The following NBPF11 variants were observed in gnomAD, a reference collection of about 807,000 sequenced individuals.
NBPF11 encodes the protein NBPF family member NBPF11.
In NBPF11, 72 loss-of-function variants were observed where a neutral mutation model predicts 93.9. The ratio of observed to expected loss-of-function variants is 0.77; its 90% CI spans 0.63 to 0.93. The LOEUF is 0.93. NBPF11 is among the 40% of genes least tolerant of loss of function. The pLI is 0.00. For missense variants in NBPF11, 705 were observed against 802.2 expected (o/e 0.88, Z 1.46); for synonymous variants, 224 against 304.9 (o/e 0.73, Z 2.76).
chr1:148,138,431 G>A (rs1452989342), intron 2 of NBPF11, among the ~76,000 whole-genome samples: 7 of 151,958 alleles, frequency 4.6e-5, no homozygotes, highest in East Asian at 1.9e-4. Flanking sequence ...CTTCCCATGA[G>A]GCTGTATTTC....
In NBPF11 at chr1:148,115,162, C is replaced by CGCAAAAAAAAAAAAAAAAAAAAAAA. The variant is rs1666177688; in HGVS notation, c.1585+630_1585+631insTTTTTTTTTTTTTTTTTTTTTTTGC. ...CCTAGGTGACAGAGCAGGACTCCAT[C>CGCAAAAAAAAAAAAAAAAAAAAAAA]ACAAAAAAAAAAAAAAAAAAAAAAA... On this transcript the variant is annotated intron_variant, in intron 14 of 23. Transcript: ENST00000682118. Among the ~76,000 whole-genome samples, 2 of 15,168 alleles carry CGCAAAAAAAAAAAAAAAAAAAAAAA rather than the reference C, an allele frequency of 1.3e-4. 1 individual carries two copies. The allele number at this position is 15,168 out of a possible 152,430, so 10.0% of individuals were successfully genotyped here. A position where few individuals can be genotyped will look rare whatever the true frequency, so the allele number is the denominator to read the frequency against.
rs1383451061 is a variant in NBPF11 at position 148,122,811 on chromosome 1, C to T, written c.494-10G>A. On this transcript the variant is annotated splice_polypyrimidine_tract_variant and intron_variant, in intron 7 of 23. Transcript: ENST00000682118. ...TCATCTTCGTCATTTTCTATAAATA[C>T]AAAATGTTCGTTCAGATATTTCCCA... The T allele has an allele frequency of 1.4e-5, 22 of 1,609,612 alleles. No individual in the cohort carries two copies. Among genetic ancestry groups the T allele is most frequent in the Non-Finnish European group, 1.7e-5 (20 of 1,177,850 alleles).
rs1364125465 is a variant in NBPF11 at position 148,106,214 on chromosome 1, T to A, written c.2270A>T (p.Glu757Val). Residue 757 changes from glutamate (E) to valine (V), a missense_variant, in exon 21 of 24, where the codon GAA becomes GTA. Physicochemically the swap from Glu to Val is moderately radical, Grantham distance 121. This residue lies in a region of NBPF11 where 109 missense variants were observed against 83.3 expected (regional missense o/e 1.31). Transcript: ENST00000682118. ...CGGTGGGCCTTGGTCTTCTTCCTCT[T>A]CTTGGTCCTTTTTAATTCCTGCAAT... ...LDVDRIKKDQ[E>V]EEEDQGPPCP... 3 of 884,708 alleles carry A rather than the reference T, an allele frequency of 3.4e-6. No homozygotes were observed. Among genetic ancestry groups the A allele is most frequent in the Admixed American group, 3.4e-5 (2 of 58,896 alleles). The allele number at this position is 884,708 out of a possible 1,614,324, so 54.8% of individuals were successfully genotyped here.
In NBPF11 at chr1:148,104,580, C is replaced by A; in HGVS notation, c.2538G>T (p.Gly846=). 1.7e-6 allele frequency: 1 copy of A among 596,286 alleles called. No individual in the cohort carries two copies. The highest frequency in any genetic ancestry group is 1.9e-5 in the South Asian group (1 of 51,530). The allele number at this position is 596,286 out of a possible 1,614,324, so 36.9% of individuals were successfully genotyped here. ...TGATCTTCTTCCCCTTCTTTTCTTC[C>A]CCTTCTTCTTTTCTTCTTTGATCTT... ...GEEDQRRKEE[G]EEKKGKKIKT... The change falls in exon 23 of 24, where the codon GGG becomes GGT. Residue 846 remains glycine (G), a synonymous_variant. Transcript: ENST00000682118.
intron 1 of NBPF11, chr1:148,146,909 C>T: frequency 1.2e-6 from 2 of 1,612,252 alleles, no homozygotes; most frequent in Non-Finnish European, 1.7e-6. Flanking sequence ...ACCTGGCAGG[C>T]CCTGCGCACC....
At chr1:148,111,319 A>G (rs1665207067) in intron 15 of NBPF11, among the ~76,000 whole-genome samples, 1 of 152,052 alleles carries the variant, frequency 6.6e-6, no homozygotes, top group African/African-American at 2.4e-5. Context: ...AAAAGCTGAA[A>G]ATTCCAAAAA....
chr1:148,127,020 G>A lies in NBPF11; in HGVS notation c.-17C>T. 1.5e-6 allele frequency: 1 copy of A among 656,696 alleles called. No homozygotes were observed. The highest frequency in any genetic ancestry group is 2.6e-6 in the Non-Finnish European group (1 of 379,546). 40.7% of individuals were successfully genotyped at this position (656,696 alleles called of 1,614,324 possible). A position where few individuals can be genotyped will look rare whatever the true frequency, so the allele number is the denominator to read the frequency against. On this transcript the variant is annotated 5_prime_UTR_variant, in exon 5 of 24. Transcript: ENST00000682118. The stretch of plus-strand genomic sequence containing the variant: ...TACCACCATGCTGACGTTTGTGGCA[G>A]AAGAGGTGGAGTCAGGGACTGGGGA...
At chr1:148,149,030 G>C in intron 1 of NBPF11, 1 of 727,286 alleles carries the variant, frequency 1.4e-6, no homozygotes, top group Non-Finnish European at 2.3e-6. Context: ...TGGAGCCTGA[G>C]CCTGACCCAC....
At chr1:148,148,800 T>TG (rs1647416535) in intron 1 of NBPF11, among the ~76,000 whole-genome samples, 1 of 151,716 alleles carries the variant, frequency 6.6e-6, no homozygotes, top group Non-Finnish European at 1.5e-5. Context: ...ATTCAGGATG[T>TG]GGGGGCCACA....
At chr1:148,142,046 CAGGG>C (rs1423716220) in intron 2 of NBPF11, among the ~76,000 whole-genome samples, 3 of 88,702 alleles carry the variant, frequency 3.4e-5, no homozygotes, top group African/African-American at 1.4e-4. Context: ...GGAAGGAAGG[CAGGG>C]AGGGAGGGAG....
chr1:148,126,274 C>T (rs1221412439), intron 5 of NBPF11, among the ~76,000 whole-genome samples: 3 of 151,992 alleles, frequency 2.0e-5, no homozygotes, highest in Non-Finnish European at 2.9e-5. Context: ...GCTGAGATTA[C>T]AGGAGTGAGC....
intron 1 of NBPF11, chr1:148,146,869 G>C: frequency 6.2e-7 from 1 of 1,613,708 alleles, no homozygotes; most frequent in African/African-American, 1.3e-5. Context: ...CAGGCCTTCC[G>C]AGAGGAACCT....
At chr1:148,119,647 T>A (rs2149224835) in intron 10 of NBPF11, among the ~76,000 whole-genome samples, 1 of 152,096 alleles carries the variant, frequency 6.6e-6, no homozygotes, top group South Asian at 2.1e-4. Context: ...CTTTTTATTC[T>A]TATTTTTATT....
chr1:148,145,579 C>T (rs1672867149), intron 1 of NBPF11, among the ~76,000 whole-genome samples: 1 of 150,128 alleles, frequency 6.7e-6, no homozygotes, highest in African/African-American at 2.5e-5. Context: ...AAGTATATTT[C>T]ATTAAAATTA....
chr1:148,109,565 T>G (rs1358771265), intron 16 of NBPF11, among the ~76,000 whole-genome samples: 3 of 147,378 alleles, frequency 2.0e-5, no homozygotes, highest in East Asian at 3.9e-4. Context: ...ATTTTCCCTA[T>G]GTGCTCTGTC....
chr1:148,110,309 G>T (rs1298067070), intron 16 of NBPF11, 69 bp downstream of exon 16: 12 of 1,554,212 alleles, frequency 7.7e-6, no homozygotes, highest in Non-Finnish European at 1.1e-5. Context: ...GGGGCACAAG[G>T]CCCAAAGATT....
chr1:148,148,394 G>T lies in NBPF11; in HGVS notation c.-549+3356C>A, dbSNP rs1246427592. On this transcript the variant is annotated intron_variant, in intron 1 of 23. Coordinates refer to ENST00000682118, the MANE Select transcript of NBPF11 (RefSeq NM_001385469.3). ...ATGGGCAGGGTGGCAGGTGGGTCCCGCGTGCTTGGGACTGGGCACGAGGAG... is the reference window on the plus strand; with the variant it reads ...ATGGGCAGGGTGGCAGGTGGGTCCCTCGTGCTTGGGACTGGGCACGAGGAG... Among the ~76,000 whole-genome samples the T allele has an allele frequency of 2.7e-3, 417 of 152,248 alleles. 5 individuals carry two copies. The highest frequency in any genetic ancestry group is 9.9e-3 in the African/African-American group (411 of 41,476).
chr1:148,123,971 CTCAT>C lies in NBPF11; in HGVS notation c.371_374del (p.Asn124SerfsTer118), dbSNP rs1464138892. 8.9e-6 allele frequency: 14 copies of C among 1,565,344 alleles called. No individual in the cohort carries two copies. Among genetic ancestry groups the C allele is most frequent in the African/African-American group, 6.8e-5 (5 of 73,518 alleles). ...CCGGAGTGAGGAGGGCCTGGAGATG[CTCAT>C]TCAATGAGCGGGAGGCATCTCTCCC... On this transcript the variant is annotated frameshift_variant, in exon 7 of 24. Transcript: ENST00000682118. LOFTEE classifies it high-confidence loss of function.
Position 148,106,234 on chromosome 1 carries a change from T to G in NBPF11, c.2252-2A>C. The G allele has an allele frequency of 1.3e-6, 1 of 786,390 alleles. No homozygotes were observed. Among genetic ancestry groups the G allele is most frequent in the Non-Finnish European group, 2.3e-6 (1 of 433,768 alleles). 48.7% of individuals were successfully genotyped at this position (786,390 alleles called of 1,614,324 possible). ...CCTCTTCTTGGTCCTTTTTAATTCC[T>G]GCAATACATTCAGACAGGGACAGAC... On this transcript the variant is annotated splice_acceptor_variant, in intron 20 of 23. Coordinates refer to ENST00000682118, the MANE Select transcript of NBPF11 (RefSeq NM_001385469.3). LOFTEE classifies it high-confidence loss of function.
Sources: allele counts gnomAD v4.1 joint callset (sites outside exome capture counted in the v4.1 genomes callset), GRCh38; gene constraint gnomAD v4.1.1; regional missense constraint gnomAD v4.1.1; transcripts MANE v1.5; gene names NCBI Gene and HGNC (gene_info 2026-07-23, HGNC 2026-07-21).